Variants in CSTPP1 observed in about 807,000 individuals in gnomAD.
CSTPP1 encodes the protein centriolar satellite-associated tubulin polyglutamylase complex regulator 1.
the CSTPP1 span, among the ~76,000 whole-genome samples, chr11:46,966,973 A>G: frequency 6.6e-6 from 1 of 151,978 alleles, no homozygotes; most frequent in African/African-American, 2.4e-5. Context: ...TCCCTTCCAG[A>G]TTTTTGCCTT....
At chr11:47,061,907 C>T in the CSTPP1 span, among the ~76,000 whole-genome samples, 5 of 152,066 alleles carry the variant, frequency 3.3e-5, no homozygotes, top group South Asian at 4.1e-4. Flanking sequence ...TAATCTTTCC[C>T]CCTATTTAAT....
At chr11:46,987,099 CAG>C in the CSTPP1 span, 1 of 1,001,794 alleles carries the variant, frequency 1.0e-6, no homozygotes, top group Non-Finnish European at 1.5e-6. Flanking sequence ...TGTCATCAGA[CAG>C]AGCCAACACC....
At chr11:46,972,578 A>C in the CSTPP1 span, among the ~76,000 whole-genome samples, 18 of 152,168 alleles carry the variant, frequency 1.2e-4, no homozygotes, top group Non-Finnish European at 2.4e-4. Flanking sequence ...TACAGGGTAG[A>C]ATCTGACCTA....
the CSTPP1 span, among the ~76,000 whole-genome samples, chr11:47,027,927 C>CT: frequency 0.67 from 89,772 of 134,026 alleles, 30,743 homozygotes; most frequent in African/African-American, 0.74. Context: ...TTTTTTTTTT[C>CT]TTTTTTTTTT....
At chr11:47,001,395 C>T in the CSTPP1 span, among the ~76,000 whole-genome samples, 6 of 152,116 alleles carry the variant, frequency 3.9e-5, no homozygotes, top group African/African-American at 1.2e-4. Context: ...TTAATAATTT[C>T]ATTTTGATAC....
At chr11:47,095,919 TTTCAA>T in the CSTPP1 span, among the ~76,000 whole-genome samples, 2 of 152,184 alleles carry the variant, frequency 1.3e-5, no homozygotes, top group Non-Finnish European at 2.9e-5. Flanking sequence ...GCCAAGCTGT[TTTCAA>T]TTTGACCCTT....
At chr11:47,125,208 A>G in the CSTPP1 span, among the ~76,000 whole-genome samples, 4 of 152,244 alleles carry the variant, frequency 2.6e-5, no homozygotes, top group Non-Finnish European at 5.9e-5. Flanking sequence ...GTGTGTGTTT[A>G]TCTATATCCA....
At chr11:47,129,438 C>A in the CSTPP1 span, among the ~76,000 whole-genome samples, 1 of 152,172 alleles carries the variant, frequency 6.6e-6, no homozygotes, top group African/African-American at 2.4e-5. Flanking sequence ...GAGAGGCTTT[C>A]TTTTCTCCTA....
At chr11:47,152,398 C>T in the CSTPP1 span, among the ~76,000 whole-genome samples, 1 of 152,174 alleles carries the variant, frequency 6.6e-6, no homozygotes, top group African/African-American at 2.4e-5. Context: ...TCAAGATGGC[C>T]CCTAGCAGAA....
chr11:47,012,774 C>T, the CSTPP1 span, among the ~76,000 whole-genome samples: 1 of 151,690 alleles, frequency 6.6e-6, no homozygotes, highest in Non-Finnish European at 1.5e-5. Flanking sequence ...TCATAATCTC[C>T]CTGATTTTAC....
the CSTPP1 span, among the ~76,000 whole-genome samples, chr11:47,097,255 C>T: frequency 3.2e-5 from 4 of 123,438 alleles, no homozygotes; most frequent in Non-Finnish European, 5.3e-5. Flanking sequence ...CCCGGCCAGC[C>T]GCCCCGTCCG....
the CSTPP1 span, among the ~76,000 whole-genome samples, chr11:47,018,110 C>T: frequency 6.6e-6 from 1 of 152,046 alleles, no homozygotes; most frequent in Non-Finnish European, 1.5e-5. Flanking sequence ...ATATATGTAC[C>T]ACAATTTGTT....
the CSTPP1 span, among the ~76,000 whole-genome samples, chr11:47,013,490 A>C: frequency 6.6e-6 from 1 of 152,124 alleles, no homozygotes; most frequent in Non-Finnish European, 1.5e-5. Flanking sequence ...GTAAGTGAGA[A>C]CATGCAGTGT....
At chr11:47,131,988 G>A in the CSTPP1 span, among the ~76,000 whole-genome samples, 2 of 151,624 alleles carry the variant, frequency 1.3e-5, no homozygotes, top group African/African-American at 4.8e-5. Context: ...AAAAAAAAAG[G>A]AAAATCAGTG....
the CSTPP1 span, among the ~76,000 whole-genome samples, chr11:47,053,324 T>TA: frequency 6.6e-6 from 1 of 151,856 alleles, no homozygotes; most frequent in Non-Finnish European, 1.5e-5. Flanking sequence ...TTTTTAGCCA[T>TA]AAAAAAGAAA....
chr11:47,004,835 C>T, the CSTPP1 span, among the ~76,000 whole-genome samples: 1 of 152,184 alleles, frequency 6.6e-6, no homozygotes, highest in South Asian at 2.1e-4. Flanking sequence ...CATTGCTCCT[C>T]ATGCTGGCAG....
At chr11:47,075,492 G>A in the CSTPP1 span, among the ~76,000 whole-genome samples, 17 of 152,262 alleles carry the variant, frequency 1.1e-4, no homozygotes, top group East Asian at 3.9e-4. Context: ...AATTTTAGAC[G>A]GTGGACAGCA....
chr11:46,986,960 G>A, the CSTPP1 span, among the ~76,000 whole-genome samples: 3 of 152,226 alleles, frequency 2.0e-5, no homozygotes. Context: ...ATGAAGGGTT[G>A]ATGCTAATAC....
At chr11:46,948,217 G>T in the CSTPP1 span, 3 of 451,160 alleles carry the variant, frequency 6.6e-6, no homozygotes, top group South Asian at 3.1e-5. Flanking sequence ...GAGTTTGGGC[G>T]CTTGGGCTGG....
Sources: gnomAD v4.1 joint callset for allele counts (sites outside exome capture counted in the v4.1 genomes callset) on GRCh38, gnomAD v4.1.1 for gene constraint, MANE v1.5 for transcripts, NCBI Gene and HGNC (gene_info 2026-07-23, HGNC 2026-07-21) for gene names.